Variants in ANGPT1 observed in about 807,000 individuals in gnomAD.
ANGPT1 encodes the protein angiopoietin 1.
A neutral mutation model predicts 62.2 loss-of-function variants in ANGPT1; 17 were observed. The ratio of observed to expected loss-of-function variants is 0.27; its 90% confidence interval spans 0.19 to 0.41. The LOEUF (loss-of-function observed/expected upper bound fraction) is 0.41, where lower values mean the gene tolerates loss of function less well. Ranked by LOEUF, ANGPT1 falls within the 10% of genes least tolerant of loss-of-function variation. The probability of loss-of-function intolerance (pLI) is 1.00; values close to 1 mark genes in which losing one functional copy is unlikely to be tolerated. For missense variants in ANGPT1, 478 were observed against 594.9 expected, an observed-to-expected ratio of 0.80 and a Z score of 2.04; for synonymous variants, 199 against 198.9, an observed-to-expected ratio of 1.00 and a Z score of 0.00.
At chr8:107,478,181 A>C (rs886764907) in intron 1 of ANGPT1, among the ~76,000 whole-genome samples, 1 of 151,350 alleles carries the variant, frequency 6.6e-6, no homozygotes, top group African/African-American at 2.4e-5. Context: ...AATTTCATGG[A>C]GTCAAGATCC....
intron 1 of ANGPT1, among the ~76,000 whole-genome samples, chr8:107,481,849 G>A (rs1172478362): frequency 6.6e-5 from 10 of 152,158 alleles, no homozygotes; most frequent in Non-Finnish European, 1.5e-4. Flanking sequence ...CATGAGAACA[G>A]CATGGGAAAA....
chr8:107,264,199 A>G (rs1300911624), intron 8 of ANGPT1, 22 bp downstream of exon 8: 2 of 1,604,690 alleles, frequency 1.2e-6, no homozygotes, highest in Non-Finnish European at 1.7e-6. Flanking sequence ...CATAGCTTAG[A>G]GAATGGCCCC....
intron 3 of ANGPT1, among the ~76,000 whole-genome samples, chr8:107,326,252 A>G (rs1815286089): frequency 6.6e-6 from 1 of 152,148 alleles, no homozygotes; most frequent in Admixed American, 6.5e-5. Context: ...ATGCATAACA[A>G]CTACAAGCAA....
At chr8:107,490,179 G>A (rs186330788) in intron 1 of ANGPT1, among the ~76,000 whole-genome samples, 40 of 152,218 alleles carry the variant, frequency 2.6e-4, no homozygotes, top group African/African-American at 9.6e-4. Flanking sequence ...AATGACAGGG[G>A]GGAAAGGTTT....
chr8:107,348,420 G>A (rs1586245009), intron 1 of ANGPT1, among the ~76,000 whole-genome samples: 2 of 152,034 alleles, frequency 1.3e-5, no homozygotes, highest in East Asian at 3.9e-4. Context: ...TCTGTCCCAT[G>A]CTAACAAAAA....
At chr8:107,333,301 T>C (rs1228735591) in intron 3 of ANGPT1, among the ~76,000 whole-genome samples, 1 of 151,916 alleles carries the variant, frequency 6.6e-6, no homozygotes, top group Non-Finnish European at 1.5e-5. Flanking sequence ...CCAGGAGGCA[T>C]AGAAATTGAT....
intron 1 of ANGPT1, among the ~76,000 whole-genome samples, chr8:107,435,288 A>G (rs1811304232): frequency 6.6e-6 from 1 of 152,220 alleles, no homozygotes; most frequent in Non-Finnish European, 1.5e-5. Context: ...AAAGAACATT[A>G]TTAGTGTGCA....
At chr8:107,461,758 T>C (rs541075850) in intron 1 of ANGPT1, among the ~76,000 whole-genome samples, 71 of 152,224 alleles carry the variant, frequency 4.7e-4, no homozygotes, top group Non-Finnish European at 2.9e-4. Flanking sequence ...AATAGTTCTA[T>C]TTTAATAAAT....
chr8:107,407,498 C>T (rs1817173763), intron 1 of ANGPT1, among the ~76,000 whole-genome samples: 1 of 152,132 alleles, frequency 6.6e-6, no homozygotes. Flanking sequence ...AAATGTTGTG[C>T]TTTAGTGTCT....
chr8:107,440,313 G>C (rs1448932785), intron 1 of ANGPT1, among the ~76,000 whole-genome samples: 1 of 151,082 alleles, frequency 6.6e-6, no homozygotes, highest in Non-Finnish European at 1.5e-5. Context: ...TCCCTCTGGG[G>C]GTTAATACAG....
intron 1 of ANGPT1, among the ~76,000 whole-genome samples, chr8:107,492,398 C>T (rs7463024): frequency 0.053 from 8,023 of 152,132 alleles, 245 homozygotes; most frequent in South Asian, 0.11. Context: ...TGCAGTGGTG[C>T]GATATCAGCT....
intron 1 of ANGPT1, among the ~76,000 whole-genome samples, chr8:107,399,404 G>C (rs1371973501): frequency 6.6e-6 from 1 of 152,120 alleles, no homozygotes; most frequent in African/African-American, 2.4e-5. Flanking sequence ...CAGAATAAAG[G>C]CTTGTAATTT....
At chr8:107,279,049 G>A (rs963138103) in intron 7 of ANGPT1, among the ~76,000 whole-genome samples, 5 of 152,026 alleles carry the variant, frequency 3.3e-5, no homozygotes, top group Admixed American at 6.6e-5. Flanking sequence ...TCCTGATTCC[G>A]ACTCCAGAGC....
At chr8:107,472,385 G>A (rs1002752163) in intron 1 of ANGPT1, among the ~76,000 whole-genome samples, 6 of 152,016 alleles carry the variant, frequency 3.9e-5, no homozygotes, top group Admixed American at 2.0e-4. Context: ...CCTCCTTGGC[G>A]ATAGAGAAGC....
At chr8:107,405,063 A>C (rs1038593017) in intron 1 of ANGPT1, among the ~76,000 whole-genome samples, 2 of 151,972 alleles carry the variant, frequency 1.3e-5, no homozygotes, top group Non-Finnish European at 2.9e-5. Context: ...ATCTATAAAA[A>C]ATATATATTA....
intron 1 of ANGPT1, among the ~76,000 whole-genome samples, chr8:107,389,020 T>TA (rs565879688): frequency 3.3e-5 from 5 of 152,194 alleles, no homozygotes; most frequent in Non-Finnish European, 4.4e-5. Context: ...ACAGTTAAGA[T>TA]AGTCTCTGAG....
intron 1 of ANGPT1, among the ~76,000 whole-genome samples, chr8:107,410,205 C>A (rs531826175): frequency 6.6e-6 from 1 of 152,264 alleles, no homozygotes; most frequent in Non-Finnish European, 1.5e-5. Flanking sequence ...CTCCTGACAC[C>A]ATTTGAAACT....
chr8:107,378,414 T>A (rs1255967794), intron 1 of ANGPT1, among the ~76,000 whole-genome samples: 1 of 152,204 alleles, frequency 6.6e-6, no homozygotes, highest in South Asian at 2.1e-4. Context: ...GCCACTGATA[T>A]GTTAATTATC....
chr8:107,280,206 AT>A (rs112224242), intron 7 of ANGPT1, among the ~76,000 whole-genome samples: 43 of 145,416 alleles, frequency 3.0e-4, no homozygotes, highest in Admixed American at 8.2e-4. Context: ...TTCTTTTTTT[AT>A]TTTTTTTTTT....
Sources: allele counts gnomAD v4.1 joint callset (sites outside exome capture counted in the v4.1 genomes callset), GRCh38; gene constraint gnomAD v4.1.1; transcripts MANE v1.5; gene names NCBI Gene and HGNC (gene_info 2026-07-23, HGNC 2026-07-21).